The following BCO1 variants were observed in gnomAD, a reference collection of about 807,000 sequenced individuals.
The protein encoded by BCO1 is beta,beta-carotene 15,15'-dioxygenase.
Under a neutral mutation model 56.3 loss-of-function variants are expected in BCO1, and 54 were observed. That is an observed-to-expected ratio of 0.96 (90% CI 0.77 to 1.20). BCO1 has a LOEUF of 1.20. Ranked by LOEUF, BCO1 falls within the 50% of genes most tolerant of loss-of-function variation. BCO1 has a pLI of 0.00. For synonymous variants in BCO1, 318 were observed against 266.1 expected (o/e 1.20, Z -1.90); for missense variants, 801 against 690.9 (o/e 1.16, Z -1.79).
At chr16:81,266,006 G>A (rs917774600) in intron 5 of BCO1, among the ~76,000 whole-genome samples, 8 of 149,666 alleles carry the variant, frequency 5.3e-5, no homozygotes, top group African/African-American at 9.8e-5. Context: ...ACTATCCACC[G>A]ATTCATGCAT....
chr16:81,245,305 G>A (rs775680307), intron 1 of BCO1, among the ~76,000 whole-genome samples, 170 bp from the exon 2 acceptor site: 2 of 152,206 alleles, frequency 1.3e-5, no homozygotes, highest in East Asian at 3.8e-4. Flanking sequence ...CTCAGTGCTA[G>A]CCAACTGCCC....
chr16:81,268,904 C>T (rs1424829869), intron 6 of BCO1, among the ~76,000 whole-genome samples: 2 of 151,576 alleles, frequency 1.3e-5, no homozygotes, highest in African/African-American at 4.9e-5. Flanking sequence ...TAGCTGGAAC[C>T]AGAGGCACAT....
At chr16:81,262,068 A>G in intron 3 of BCO1, 68 bp from the exon 4 acceptor site, 1 of 1,574,894 alleles carries the variant, frequency 6.3e-7, no homozygotes, top group Non-Finnish European at 8.7e-7. Flanking sequence ...AACTAAAGCC[A>G]TCAAGGATAG....
At chr16:81,255,896 G>C (rs930086546) in intron 2 of BCO1, among the ~76,000 whole-genome samples, 2 of 151,862 alleles carry the variant, frequency 1.3e-5, no homozygotes, top group African/African-American at 2.4e-5. Context: ...CACGATTTCG[G>C]CTCACTGCAA....
At chr16:81,243,838 C>G (rs1567696992) in intron 1 of BCO1, among the ~76,000 whole-genome samples, 1 of 152,138 alleles carries the variant, frequency 6.6e-6, no homozygotes, top group Admixed American at 6.6e-5. Flanking sequence ...TTATTTGGCA[C>G]GTGATCCCAA....
intron 2 of BCO1, among the ~76,000 whole-genome samples, chr16:81,254,271 G>C (rs1417884941): frequency 2.7e-5 from 4 of 150,556 alleles, no homozygotes; most frequent in Admixed American, 6.6e-5. Context: ...TGGGACTATG[G>C]GTGCGTGCCA....
intron 1 of BCO1, among the ~76,000 whole-genome samples, chr16:81,240,723 A>G (rs1905070497): frequency 6.6e-6 from 1 of 152,114 alleles, no homozygotes; most frequent in South Asian, 2.1e-4. Flanking sequence ...AAATAAAAAA[A>G]AACCAGGCAC....
intron 1 of BCO1, among the ~76,000 whole-genome samples, chr16:81,239,633 G>T (rs536053476): frequency 2.6e-5 from 4 of 152,026 alleles, no homozygotes; most frequent in Non-Finnish European, 5.9e-5. Context: ...ATGCTTAGAG[G>T]GGCGTGCATG....
At chr16:81,248,356 T>C (rs570818245) in intron 2 of BCO1, among the ~76,000 whole-genome samples, 2 of 141,810 alleles carry the variant, frequency 1.4e-5, no homozygotes, top group African/African-American at 2.7e-5. Context: ...TGAGCTGAGA[T>C]TGCACCATTG....
intron 9 of BCO1, among the ~76,000 whole-genome samples, chr16:81,286,512 T>G (rs1250755236): frequency 1.3e-5 from 2 of 152,252 alleles, no homozygotes; most frequent in East Asian, 1.9e-4. Flanking sequence ...AATATATTCA[T>G]TTATTTAACT....
At chr16:81,250,932 A>G (rs1300613383) in intron 2 of BCO1, among the ~76,000 whole-genome samples, 1 of 152,134 alleles carries the variant, frequency 6.6e-6, no homozygotes, top group Non-Finnish European at 1.5e-5. Flanking sequence ...AGTGCATCAT[A>G]GTCCTCAAAG....
intron 2 of BCO1, among the ~76,000 whole-genome samples, chr16:81,249,066 C>T (rs898309145): frequency 1.3e-5 from 2 of 151,202 alleles, no homozygotes; most frequent in African/African-American, 2.4e-5. Context: ...CCCCAGGCTG[C>T]CAGCTCCTCC....
At chr16:81,257,044 C>G (rs1009373763) in intron 2 of BCO1, among the ~76,000 whole-genome samples, 4 of 152,188 alleles carry the variant, frequency 2.6e-5, no homozygotes, top group Admixed American at 2.6e-4. Context: ...TTTCCCAACT[C>G]CAGGCCTTTG....
At chr16:81,289,097 A>G (rs1425439145) in intron 10 of BCO1, among the ~76,000 whole-genome samples, 1 of 152,124 alleles carries the variant, frequency 6.6e-6, no homozygotes, top group Non-Finnish European at 1.5e-5. Context: ...TTTTTGCCCA[A>G]GGTCACACAC....
rs755790666 is a variant in BCO1, at chr16:81,287,426, C to T, written c.1414+20C>T. ...ATGACGGTAAGACTCTAAGAAGCCACGCCTAGTTGCTGCACGTTACTGCAG... is the reference window on the plus strand; with the variant it reads ...ATGACGGTAAGACTCTAAGAAGCCATGCCTAGTTGCTGCACGTTACTGCAG... On this transcript the variant is annotated intron_variant, in intron 10 of 10. Coordinates refer to ENST00000258168, the MANE Select transcript of BCO1 (RefSeq NM_017429.3). 2.2e-5 allele frequency: 35 copies of T among 1,586,430 alleles called. No homozygotes were observed. In the East Asian group the frequency reaches 2.2e-4, roughly 10 times the overall value.
chr16:81,254,891 G>A (rs7196480), intron 2 of BCO1, among the ~76,000 whole-genome samples: 2,973 of 152,200 alleles, frequency 0.02, 74 homozygotes, highest in African/African-American at 0.067. Context: ...TGACCTCCCA[G>A]GCTCAAGTGA....
chr16:81,240,387 A>T (rs1480949662), intron 1 of BCO1, among the ~76,000 whole-genome samples: 1 of 151,922 alleles, frequency 6.6e-6, no homozygotes, highest in Non-Finnish European at 1.5e-5. Context: ...TTGACTGTTC[A>T]TCTGTACATA....
intron 2 of BCO1, among the ~76,000 whole-genome samples, chr16:81,253,997 T>G (rs940834151): frequency 6.6e-6 from 1 of 152,120 alleles, no homozygotes; most frequent in African/African-American, 2.4e-5. Context: ...TGACACTTAT[T>G]CACACAGTAA....
At chr16:81,257,999 C>G (rs8053144) in intron 2 of BCO1, among the ~76,000 whole-genome samples, 5,510 of 151,890 alleles carry the variant, frequency 0.036, 317 homozygotes, top group African/African-American at 0.13. Flanking sequence ...GAAGCAGGAG[C>G]GTCAGCCTCA....
Sources: gnomAD v4.1 joint callset for allele counts (sites outside exome capture counted in the v4.1 genomes callset) on GRCh38, gnomAD v4.1.1 for gene constraint, MANE v1.5 for transcripts, NCBI Gene and HGNC (gene_info 2026-07-23, HGNC 2026-07-21) for gene names.